CUL3: variants seen among roughly 807,000 people sequenced by gnomAD.
CUL3 encodes the protein cullin 3, also known as cullin-3.
A neutral mutation model predicts 89.1 loss-of-function variants in CUL3; 19 were observed. That is an observed-to-expected ratio of 0.21 (90% CI 0.15 to 0.31). CUL3 has a LOEUF of 0.31. Among genes scored for constraint, CUL3 ranks in the 10% least tolerant of loss-of-function variants. The probability of loss-of-function intolerance (pLI) is 1.00; values close to 1 mark genes in which losing one functional copy is unlikely to be tolerated. For synonymous variants in CUL3, 351 were observed against 308.4 expected (o/e 1.14, Z -1.45); for missense variants, 469 against 942.3 (o/e 0.50, Z 6.58).
At chr2:224,507,744 A>G (rs1036491412) in intron 6 of CUL3, among the ~76,000 whole-genome samples, 32 of 152,144 alleles carry the variant, frequency 2.1e-4, no homozygotes, top group African/African-American at 7.7e-4. Context: ...CATTTTTCAC[A>G]AGACTAAAAT....
chr2:224,567,084 C>T lies in CUL3; in HGVS notation c.67-9228G>A, dbSNP rs995483822. ...TGGGGGCACGTCGAATGGGTTCCAT[C>T]GTGTTATTCCAGGTTTACAGTTTTC... On this transcript the variant is annotated intron_variant, in intron 1 of 15. Coordinates refer to ENST00000264414, the MANE Select transcript of CUL3 (RefSeq NM_003590.5). 2.0e-5 allele frequency among the ~76,000 whole-genome samples: 3 copies of T among 152,108 alleles called. No homozygotes were observed. The South Asian group carries it at 6.2e-4, about 32-fold the overall frequency.
intron 15 of CUL3, among the ~76,000 whole-genome samples, chr2:224,475,473 TA>T (rs750057978): frequency 1.3e-5 from 2 of 152,242 alleles, no homozygotes; most frequent in Admixed American, 6.5e-5. Flanking sequence ...TTCTTTGCTC[TA>T]ATGCATCCAT....
chr2:224,514,602 G>T lies in CUL3; in HGVS notation c.539+10C>A. On this transcript the variant is annotated intron_variant, in intron 4 of 15. Transcript: ENST00000264414. ...AACCAAAACCACAAGAGTAAAGAGA[G>T]AAATTTTACCTGTCTACGACTTCTC... The T allele has an allele frequency of 6.3e-7, 1 of 1,599,502 alleles. No homozygotes were observed. Among genetic ancestry groups the T allele is most frequent in the Non-Finnish European group, 8.5e-7 (1 of 1,171,702 alleles).
At position 224,474,240 on chromosome 2, in the gene CUL3, G is replaced by T. The variant is rs769508278; in HGVS notation, c.*5C>A. 2 of 1,611,060 alleles carry T rather than the reference G, an allele frequency of 1.2e-6. No individual in the cohort carries two copies. Among genetic ancestry groups the T allele is most frequent in the Non-Finnish European group, 1.7e-6 (2 of 1,178,754 alleles). ...CCAAGAATAAATCAAATTTCTGAAC[G>T]CATTTTATGCTACATATGTGTATAC... is the stretch of plus-strand genomic sequence containing the variant. On this transcript the variant is annotated 3_prime_UTR_variant, in exon 16 of 16. Transcript: ENST00000264414.
chr2:224,497,963 C>T (rs917132563), intron 11 of CUL3, 114 bp from the exon 12 acceptor site: 111 of 750,716 alleles, frequency 1.5e-4, no homozygotes, highest in Non-Finnish European at 2.3e-4. Flanking sequence ...TGTGTATGGA[C>T]TTTAAAACTT....
rs1453675078 is a variant in CUL3 at position 224,497,774 on chromosome 2, T to A, written c.1686A>T (p.Thr562=). The change falls in exon 12 of 16, where the codon ACA becomes ACT. Residue 562 remains threonine (T), a synonymous_variant. Coordinates refer to ENST00000264414, the MANE Select transcript of CUL3 (RefSeq NM_003590.5). ...TTACCTTTTTAACTGGTCCATAAAATGTGGCATTGAGATCTGCAGAACCCA... is the reference window on the plus strand; with the variant it reads ...TTACCTTTTTAACTGGTCCATAAAAAGTGGCATTGAGATCTGCAGAACCCA... ...HHMGSADLNA[T]FYGPVKKEDG... 1.2e-6 allele frequency: 2 copies of A among 1,613,694 alleles called. No homozygotes were observed. Among genetic ancestry groups the A allele is most frequent in the South Asian group, 2.2e-5 (2 of 91,068 alleles).
chr2:224,569,788 G>A, intron 1 of CUL3: 2 of 1,158,570 alleles, frequency 1.7e-6, no homozygotes, highest in Non-Finnish European at 1.1e-6. Flanking sequence ...ACATACAAAG[G>A]ACAAGAAGTC....
intron 3 of CUL3, among the ~76,000 whole-genome samples, chr2:224,530,718 C>A (rs946516364): frequency 6.6e-6 from 1 of 152,028 alleles, no homozygotes; most frequent in Non-Finnish European, 1.5e-5. Context: ...ACCAGCCTGG[C>A]CAACATGGCG....
In CUL3 at chr2:224,502,276, C is replaced by T. The variant is rs188813934; in HGVS notation, c.1485+689G>A. On this transcript the variant is annotated intron_variant, in intron 10 of 15. Transcript: ENST00000264414. ...CACATTTTAACCATAGAGTGGTACA[C>T]GGTGATTTTAAAAATTTAAAAACTG... 1.2e-3 allele frequency among the ~76,000 whole-genome samples: 188 copies of T among 152,184 alleles called. 1 individual carries two copies. Among genetic ancestry groups the T allele is most frequent in the Non-Finnish European group, 1.3e-3 (88 of 67,982 alleles).
At chr2:224,566,912 CCTTTT>C (rs1225522277) in intron 1 of CUL3, among the ~76,000 whole-genome samples, 115 of 152,298 alleles carry the variant, frequency 7.6e-4, no homozygotes, top group Middle Eastern at 6.8e-3. Flanking sequence ...TCACAAACTT[CCTTTT>C]AACAATGGTC....
intron 3 of CUL3, among the ~76,000 whole-genome samples, chr2:224,517,032 T>C (rs778134639): frequency 3.3e-5 from 5 of 152,160 alleles, no homozygotes; most frequent in African/African-American, 1.2e-4. Context: ...CAGAACAATA[T>C]GTACATAATA....
intron 2 of CUL3, among the ~76,000 whole-genome samples, chr2:224,551,759 T>A (rs1011487487): frequency 6.6e-6 from 1 of 152,212 alleles, no homozygotes; most frequent in Non-Finnish European, 1.5e-5. Context: ...TGCCTGAGAA[T>A]GTATGGCTCA....
chr2:224,528,320 C>A (rs1477755750), intron 3 of CUL3, among the ~76,000 whole-genome samples: 1 of 152,112 alleles, frequency 6.6e-6, no homozygotes, highest in East Asian at 1.9e-4. Flanking sequence ...GTCCATCACT[C>A]CAGTCTGTTT....
intron 3 of CUL3, among the ~76,000 whole-genome samples, chr2:224,529,257 G>C (rs959036683): frequency 2.0e-5 from 3 of 151,982 alleles, no homozygotes; most frequent in African/African-American, 7.2e-5. Context: ...ATTTAAAACT[G>C]AAAGTGAAAC....
At chr2:224,487,649 T>C (rs918468205) in intron 13 of CUL3, among the ~76,000 whole-genome samples, 4 of 151,874 alleles carry the variant, frequency 2.6e-5, no homozygotes, top group African/African-American at 4.8e-5. Flanking sequence ...TCCCACACAA[T>C]AATAGGGGGA....
At position 224,520,323 on chromosome 2, in the gene CUL3, G is replaced by A. The variant is rs1048481116; in HGVS notation, c.379-5551C>T. Among the ~76,000 whole-genome samples the A allele has an allele frequency of 2.0e-5, 3 of 152,228 alleles. No individual in the cohort carries two copies. The South Asian group carries it at 6.2e-4, about 31-fold the overall frequency. On this transcript the variant is annotated intron_variant, in intron 3 of 15. Transcript: ENST00000264414. Reference sequence around the variant, plus strand: ...CACAAGCTAGGTGGACCTGTGGTGAGAGACAGGAGCCAATGGTGGGGACCC... The same window carrying A: ...CACAAGCTAGGTGGACCTGTGGTGAAAGACAGGAGCCAATGGTGGGGACCC...
At position 224,555,605 on chromosome 2, in the gene CUL3, C is replaced by T. The variant is rs534192016; in HGVS notation, c.264+2054G>A. On this transcript the variant is annotated intron_variant, in intron 2 of 15. Coordinates refer to ENST00000264414, the MANE Select transcript of CUL3 (RefSeq NM_003590.5). ...ATCTGTTCCCAAACCATCTTTGTAACACTACAATCCACTAATCCCTGTAAT... is the reference window on the plus strand; with the variant it reads ...ATCTGTTCCCAAACCATCTTTGTAATACTACAATCCACTAATCCCTGTAAT... 9.2e-5 allele frequency among the ~76,000 whole-genome samples: 14 copies of T among 152,286 alleles called. No homozygotes were observed. The South Asian group carries it at 2.3e-3, about 25-fold the overall frequency.
intron 13 of CUL3, among the ~76,000 whole-genome samples, chr2:224,490,344 T>C (rs1218544979): frequency 6.6e-6 from 1 of 152,188 alleles, no homozygotes; most frequent in East Asian, 1.9e-4. Flanking sequence ...CTGCCTCGGC[T>C]GCCAAACAGG....
At chr2:224,517,639 C>G (rs1229274960) in intron 3 of CUL3, among the ~76,000 whole-genome samples, 2 of 152,192 alleles carry the variant, frequency 1.3e-5, no homozygotes, top group Non-Finnish European at 1.5e-5. Context: ...GTACTCCAGC[C>G]TGGATGACAC....
Sources: allele counts gnomAD v4.1 joint callset (sites outside exome capture counted in the v4.1 genomes callset), GRCh38; gene constraint gnomAD v4.1.1; transcripts MANE v1.5; gene names NCBI Gene and HGNC (gene_info 2026-07-23, HGNC 2026-07-21).